Variants in ATP11A observed in about 807,000 individuals in gnomAD.
ATP11A encodes phospholipid-transporting ATPase IH.
Under a neutral mutation model 154.4 loss-of-function variants are expected in ATP11A, and 81 were observed. The ratio of observed to expected loss-of-function variants is 0.52; its 90% CI spans 0.44 to 0.63. ATP11A has a LOEUF of 0.63. Ranked by LOEUF, ATP11A falls within the 30% of genes least tolerant of loss-of-function variation. The pLI, the probability that ATP11A is intolerant of heterozygous loss-of-function variation, is 0.00. For synonymous variants in ATP11A, 623 were observed against 585.9 expected, an observed-to-expected ratio of 1.06 and a Z score of -0.91; for missense variants, 1,316 against 1,474.3, an observed-to-expected ratio of 0.89 and a Z score of 1.76.
At chr13:112,766,827 A>AG (rs67249528) in intron 1 of ATP11A, among the ~76,000 whole-genome samples, 28,512 of 33,090 alleles carry the variant, frequency 0.86, 12,382 homozygotes, top group Middle Eastern at 1. Flanking sequence ...GAAGGTGGGG[A>AG]GATGTGGGGG....
intron 19 of ATP11A, 62 bp from the exon 20 acceptor site, chr13:112,855,849 A>T: frequency 1.4e-6 from 2 of 1,457,376 alleles, no homozygotes; most frequent in Non-Finnish European, 1.9e-6. Flanking sequence ...AAAACAATAC[A>T]GTCTTCTAAA....
chr13:112,809,890 C>G (rs528630405), intron 4 of ATP11A, among the ~76,000 whole-genome samples: 2 of 152,182 alleles, frequency 1.3e-5, no homozygotes, highest in Non-Finnish European at 2.9e-5. Context: ...TAGTTGGAAT[C>G]GGAGTGCACG....
intron 2 of ATP11A, among the ~76,000 whole-genome samples, chr13:112,801,746 G>A (rs901590002): frequency 6.6e-6 from 1 of 152,172 alleles, no homozygotes; most frequent in Non-Finnish European, 1.5e-5. Flanking sequence ...CAAGGTCTAG[G>A]TAAGGAAAAC....
intron 17 of ATP11A, among the ~76,000 whole-genome samples, chr13:112,846,561 A>T (rs895745504): frequency 6.6e-6 from 1 of 151,940 alleles, no homozygotes; most frequent in African/African-American, 2.4e-5. Flanking sequence ...AACGGATGGG[A>T]CGTGTGTGAT....
chr13:112,713,861 A>G (rs868523976), intron 1 of ATP11A, among the ~76,000 whole-genome samples: 9 of 148,984 alleles, frequency 6.0e-5, no homozygotes, highest in Middle Eastern at 3.4e-3. Flanking sequence ...GTAGCAGTTC[A>G]GAGGGTGTAG....
chr13:112,747,674 A>C (rs1892333190), intron 1 of ATP11A, among the ~76,000 whole-genome samples: 1 of 152,158 alleles, frequency 6.6e-6, no homozygotes, highest in African/African-American at 2.4e-5. Context: ...CATCTCTACT[A>C]AAAGTACAAA....
intron 17 of ATP11A, among the ~76,000 whole-genome samples, chr13:112,846,602 C>T (rs1035151093): frequency 1.1e-4 from 16 of 152,168 alleles, no homozygotes; most frequent in African/African-American, 3.9e-4. Context: ...AAATCCTCCT[C>T]GCTAACTGCA....
intron 5 of ATP11A, among the ~76,000 whole-genome samples, chr13:112,813,255 CAT>C (rs1288497371): frequency 1.3e-5 from 2 of 152,152 alleles, no homozygotes; most frequent in South Asian, 2.1e-4. Context: ...TACGGGATCA[CAT>C]GTGGTAGTAA....
At position 112,804,981 on chromosome 13, in the gene ATP11A, A is replaced by G; in HGVS notation, c.187A>G (p.Lys63Glu). ...GTACACATTTTGGAACTTTATACCC[A>G]AGAATTTATTTGAACAATTCAGAAG... is the stretch of plus-strand genomic sequence containing the variant. ...SKYTFWNFIP[K>E]NLFEQFRRVA... The change falls in exon 3 of 30, where the codon AAG becomes GAG. Residue 63 changes from lysine to glutamate, a missense_variant. Lys to Glu is a moderately conservative substitution (Grantham distance 56). Coordinates refer to ENST00000375645, the MANE Select transcript of ATP11A (RefSeq NM_015205.3). The G allele has an allele frequency of 2.5e-6, 4 of 1,610,716 alleles. No individual in the cohort carries two copies. Among genetic ancestry groups the G allele is most frequent in the Non-Finnish European group, 3.4e-6 (4 of 1,178,508 alleles).
intron 1 of ATP11A, among the ~76,000 whole-genome samples, chr13:112,707,627 A>G (rs947329472): frequency 6.6e-6 from 1 of 152,128 alleles, no homozygotes; most frequent in African/African-American, 2.4e-5. Flanking sequence ...TAAAAAGGTG[A>G]AAAAGCTCGG....
At chr13:112,743,406 T>G (rs1891755677) in intron 1 of ATP11A, among the ~76,000 whole-genome samples, 1 of 141,786 alleles carries the variant, frequency 7.1e-6, no homozygotes, top group Non-Finnish European at 1.5e-5. Context: ...TGTATGTTCC[T>G]GCAGGTTCCT....
intron 25 of ATP11A, among the ~76,000 whole-genome samples, chr13:112,869,676 T>A (rs4907552): frequency 7.9e-5 from 12 of 152,020 alleles, no homozygotes; most frequent in Non-Finnish European, 1.8e-4. Flanking sequence ...TGTGGTTGTC[T>A]GGGTGCAAAG....
rs1267624201 is a variant in ATP11A at position 112,740,144 on chromosome 13, CTCTCTATATATA to C, written c.40-44989_40-44978del. Among the ~76,000 whole-genome samples the C allele has an allele frequency of 5.7e-3, 611 of 107,310 alleles. 5 individuals are homozygous for C. The highest frequency in any genetic ancestry group is 0.023 in the African/African-American group (579 of 24,718). The allele number at this position is 107,310 out of a possible 152,430, so 70.4% of individuals were successfully genotyped here. On this transcript the variant is annotated intron_variant, in intron 1 of 29. Transcript: ENST00000375645. ...ATGTGAATTCTCTCTCTCTCTCTCT[CTCTCTATATATA>C]TATATATATATATAGATATCTATAT...
Position 112,690,269 on chromosome 13 carries a change from G to T in ATP11A, c.-148G>T. ...CGGCCGGGCCGGGCATGAGCGCGGA[G>T]GGGCCGCGGCCGCCCCCTGCACCGC... is the stretch of plus-strand genomic sequence containing the variant. On this transcript the variant is annotated 5_prime_UTR_variant, in exon 1 of 30. It adds an upstream start codon to the 5' untranslated region. Coordinates refer to ENST00000375645, the MANE Select transcript of ATP11A (RefSeq NM_015205.3). The surrounding 1 kb of genome is among the most constrained non-coding windows in gnomAD (Gnocchi z 5.6). 2.9e-6 allele frequency: 1 copy of T among 339,476 alleles called. No homozygotes were observed. Among genetic ancestry groups the T allele is most frequent in the South Asian group, 1.1e-4 (1 of 8,710 alleles). The allele number at this position is 339,476 out of a possible 1,614,324, so 21.0% of individuals were successfully genotyped here.
Position 112,800,242 on chromosome 13 carries a change from A to G in ATP11A, c.163-4715A>G, listed in dbSNP as rs1224521305. The stretch of plus-strand genomic sequence containing the variant: ...AAAAAAAAAAATCAATAAAATCAAT[A>G]AAACTTTAGCCAGGCTAAACAAGAG... On this transcript the variant is annotated intron_variant, in intron 2 of 29. Transcript: ENST00000375645. 2.6e-5 allele frequency among the ~76,000 whole-genome samples: 4 copies of G among 152,280 alleles called. No individual in the cohort carries two copies. In the East Asian group the frequency reaches 7.7e-4, roughly 29 times the overall value.
At chr13:112,762,107 C>T (rs543035643) in intron 1 of ATP11A, among the ~76,000 whole-genome samples, 2 of 152,136 alleles carry the variant, frequency 1.3e-5, no homozygotes, top group Non-Finnish European at 2.9e-5. Context: ...CATGGAGACT[C>T]GTGCTTATGA....
rs945190939 is a variant in ATP11A at position 112,703,989 on chromosome 13, C to T, written c.39+13534C>T. On this transcript the variant is annotated intron_variant, in intron 1 of 29. Coordinates refer to ENST00000375645, the MANE Select transcript of ATP11A (RefSeq NM_015205.3). ...TTGGAGCCCATACTCTGTTCACCTG[C>T]GTGTGTGGAGGAGGACGTCTTACCG... Among the ~76,000 whole-genome samples the T allele has an allele frequency of 2.6e-5, 4 of 152,168 alleles. No homozygotes were observed. The East Asian group carries it at 5.8e-4, about 22-fold the overall frequency.
intron 10 of ATP11A, among the ~76,000 whole-genome samples, 178 bp from the exon 11 acceptor site, chr13:112,825,252 C>T (rs369708898): frequency 2.2e-4 from 34 of 152,202 alleles, no homozygotes; most frequent in African/African-American, 8.2e-4. Flanking sequence ...AAGTACGTGC[C>T]AGGGACCATG....
chr13:112,844,967 C>T (rs1229092965), intron 17 of ATP11A, among the ~76,000 whole-genome samples: 1 of 151,968 alleles, frequency 6.6e-6, no homozygotes, highest in Non-Finnish European at 1.5e-5. Flanking sequence ...CAGTACTAGT[C>T]CAAGTGCCAG....
Sources: gnomAD v4.1 joint callset for allele counts (sites outside exome capture counted in the v4.1 genomes callset) on GRCh38, gnomAD v4.1.1 for gene constraint, Gnocchi (gnomAD v3.1) non-coding constraint, MANE v1.5 for transcripts, NCBI Gene and HGNC (gene_info 2026-07-23, HGNC 2026-07-21) for gene names.